The following FHIT variants were observed in gnomAD, a reference collection of about 807,000 sequenced individuals.
FHIT encodes the protein fragile histidine triad diadenosine triphosphatase, also known as bis(5'-adenosyl)-triphosphatase.
A neutral mutation model predicts 17.9 loss-of-function variants in FHIT; 19 were observed. The ratio of observed to expected loss-of-function variants is 1.06; its 90% CI spans 0.74 to 1.56. The LOEUF (loss-of-function observed/expected upper bound fraction) is 1.56, where lower values mean the gene tolerates loss of function less well. Among genes scored for constraint, FHIT ranks in the 40% most tolerant of loss-of-function variants. The pLI, the probability that FHIT is intolerant of heterozygous loss-of-function variation, is 0.00. For synonymous variants in FHIT, 81 were observed against 69.7 expected (o/e 1.16, Z -0.81); for missense variants, 248 against 189.2 (o/e 1.31, Z -1.82).
intron 2 of FHIT, among the ~76,000 whole-genome samples, chr3:61,044,067 C>T (rs780194635): frequency 7.2e-5 from 11 of 152,254 alleles, no homozygotes; most frequent in Non-Finnish European, 1.0e-4. Context: ...AAAATCAGAG[C>T]GCCTCTTCTC....
chr3:61,169,738 G>A (rs548481713), intron 2 of FHIT, among the ~76,000 whole-genome samples: 1 of 152,150 alleles, frequency 6.6e-6, no homozygotes, highest in Non-Finnish European at 1.5e-5. Context: ...GTGTTAAAAT[G>A]GTAAGGAAGA....
At chr3:60,828,439 A>T (rs1426236146) in intron 3 of FHIT, among the ~76,000 whole-genome samples, 1 of 152,170 alleles carries the variant, frequency 6.6e-6, no homozygotes, top group East Asian at 1.9e-4. Flanking sequence ...CAAAGTATTT[A>T]TACTTTGTTA....
intron 2 of FHIT, among the ~76,000 whole-genome samples, chr3:61,194,735 A>C (rs1456864284): frequency 2.6e-5 from 4 of 152,222 alleles, no homozygotes; most frequent in Non-Finnish European, 4.4e-5. Context: ...AAGCATTTTC[A>C]AGTCACACAT....
intron 8 of FHIT, among the ~76,000 whole-genome samples, chr3:59,877,444 G>A (rs534887102): frequency 3.3e-4 from 51 of 152,308 alleles, no homozygotes; most frequent in African/African-American, 1.1e-3. Flanking sequence ...AGATATGGCT[G>A]CAAGCAGCAA....
rs570234638 is a variant in FHIT at position 60,861,088 on chromosome 3, A to G, written c.-110-39077T>C. ...TGTATATATGATGTACGTCATATATATCAGATATCATATATACACATATAT... is the reference window on the plus strand; with the variant it reads ...TGTATATATGATGTACGTCATATATGTCAGATATCATATATACACATATAT... On this transcript the variant is annotated intron_variant, in intron 3 of 9. Coordinates refer to ENST00000492590, the MANE Select transcript of FHIT (RefSeq NM_002012.4). 1.9e-4 allele frequency among the ~76,000 whole-genome samples: 18 copies of G among 94,434 alleles called. 4 individuals carry two copies. Among genetic ancestry groups the G allele is most frequent in the African/African-American group, 6.7e-4 (18 of 26,914 alleles). 62.0% of individuals were successfully genotyped at this position (94,434 alleles called of 152,430 possible).
At chr3:59,863,564 G>C (rs1335104144) in intron 8 of FHIT, among the ~76,000 whole-genome samples, 1 of 152,130 alleles carries the variant, frequency 6.6e-6, no homozygotes, top group Non-Finnish European at 1.5e-5. Flanking sequence ...TGAAGCCAGA[G>C]ACCATGCATG....
At chr3:60,959,879 T>G (rs1575755638) in intron 3 of FHIT, among the ~76,000 whole-genome samples, 1 of 151,880 alleles carries the variant, frequency 6.6e-6, no homozygotes, top group Non-Finnish European at 1.5e-5. Flanking sequence ...TTCTCATTTC[T>G]TTTTCTTATT....
intron 8 of FHIT, among the ~76,000 whole-genome samples, chr3:59,806,563 C>A (rs913752827): frequency 6.6e-6 from 1 of 152,052 alleles, no homozygotes; most frequent in South Asian, 2.1e-4. Flanking sequence ...CTCCTACCAT[C>A]CACAGTCATT....
chr3:60,632,061 T>C (rs1486296207), intron 4 of FHIT, among the ~76,000 whole-genome samples: 1 of 148,516 alleles, frequency 6.7e-6, no homozygotes, highest in South Asian at 2.2e-4. Flanking sequence ...TGCTCTTGGC[T>C]GGGGAGAATT....
chr3:60,937,540 C>CTTT (rs35814395), intron 3 of FHIT, among the ~76,000 whole-genome samples: 66 of 141,660 alleles, frequency 4.7e-4, no homozygotes, highest in African/African-American at 8.3e-4. Flanking sequence ...TGGTCTACTG[C>CTTT]TTTTTTTTTC....
chr3:60,719,837 T>A lies in FHIT; in HGVS notation c.-18+102082A>T, dbSNP rs74938179. On this transcript the variant is annotated intron_variant, in intron 4 of 9. Transcript: ENST00000492590. ...TCAAGTCCTAAGGTCCACGCAAATA[T>A]CCTTACCTGTCTCTTTCCCTTCATT... 8.5e-3 allele frequency among the ~76,000 whole-genome samples: 1,294 copies of A among 152,234 alleles called. 16 individuals are homozygous for A. Among genetic ancestry groups the A allele is most frequent in the African/African-American group, 0.029 (1,188 of 41,532 alleles).
At chr3:60,494,270 A>G (rs1229940032) in intron 5 of FHIT, among the ~76,000 whole-genome samples, 2 of 152,158 alleles carry the variant, frequency 1.3e-5, no homozygotes, top group Non-Finnish European at 2.9e-5. Flanking sequence ...GACTTTGCCA[A>G]TTCTGGATAT....
chr3:60,217,909 C>T (rs987691045), intron 5 of FHIT, among the ~76,000 whole-genome samples: 1 of 152,134 alleles, frequency 6.6e-6, no homozygotes, highest in Non-Finnish European at 1.5e-5. Flanking sequence ...TTTTTCTTAG[C>T]AGCACTTTTA....
At chr3:60,093,591 G>C (rs1380995172) in intron 5 of FHIT, among the ~76,000 whole-genome samples, 1 of 152,120 alleles carries the variant, frequency 6.6e-6, no homozygotes, top group Non-Finnish European at 1.5e-5. Context: ...ATCCCCAACC[G>C]CCGTGCCACA....
Position 59,780,487 on chromosome 3 carries a change from C to G in FHIT, c.349-28166G>C, listed in dbSNP as rs1702531607. Among the ~76,000 whole-genome samples the G allele has an allele frequency of 2.0e-5, 3 of 152,192 alleles. No homozygotes were observed. In the South Asian group the frequency reaches 6.2e-4, roughly 31 times the overall value. ...GCTCTACCTTCTTCCACTCTGACTT[C>G]TCAGCTTTAATCCCTGGAGTTCCAG... On this transcript the variant is annotated intron_variant, in intron 8 of 9. Coordinates refer to ENST00000492590, the MANE Select transcript of FHIT (RefSeq NM_002012.4).
chr3:59,777,377 T>TA (rs11429625), intron 8 of FHIT, among the ~76,000 whole-genome samples: 4,655 of 146,530 alleles, frequency 0.032, 226 homozygotes, highest in East Asian at 0.26. Context: ...CACCCAAAGA[T>TA]AAAAAAAAAA....
chr3:60,861,188 TATATATC>T lies in FHIT; in HGVS notation c.-110-39184_-110-39178del, dbSNP rs782221605. ...ATCATATGTTCTATGATATATATGA[TATATATC>T]ATATATGATATATATGATATATATG... On this transcript the variant is annotated intron_variant, in intron 3 of 9. Coordinates refer to ENST00000492590, the MANE Select transcript of FHIT (RefSeq NM_002012.4). 6.0e-4 allele frequency among the ~76,000 whole-genome samples: 9 copies of T among 14,998 alleles called. 1 individual carries two copies. The East Asian group carries it at 6.3e-3, about 10-fold the overall frequency. 9.8% of individuals were successfully genotyped at this position (14,998 alleles called of 152,430 possible).
chr3:60,572,136 C>T (rs1378170247), intron 4 of FHIT, among the ~76,000 whole-genome samples: 2 of 152,044 alleles, frequency 1.3e-5, no homozygotes, highest in Non-Finnish European at 2.9e-5. Flanking sequence ...CCATCAAGAC[C>T]TAATCAACCA....
chr3:60,345,490 C>A (rs1312627112), intron 5 of FHIT, among the ~76,000 whole-genome samples: 1 of 152,196 alleles, frequency 6.6e-6, no homozygotes, highest in Non-Finnish European at 1.5e-5. Flanking sequence ...TGGATACTCT[C>A]CTTGCTTTTC....
Sources: allele counts gnomAD v4.1 joint callset (sites outside exome capture counted in the v4.1 genomes callset), GRCh38; gene constraint gnomAD v4.1.1; transcripts MANE v1.5; gene names NCBI Gene and HGNC (gene_info 2026-07-23, HGNC 2026-07-21).